The following LAMB4 variants were observed in gnomAD, a reference collection of about 807,000 sequenced individuals.
LAMB4 encodes laminin subunit beta-4.
Under a neutral mutation model 199.2 loss-of-function variants are expected in LAMB4, and 196 were observed. The observed-to-expected ratio is 0.98, with a 90% CI of 0.88 to 1.11. LAMB4 has a LOEUF of 1.11. Ranked by LOEUF, LAMB4 falls within the 50% of genes least tolerant of loss-of-function variation. The pLI, the probability that LAMB4 is intolerant of heterozygous loss-of-function variation, is 0.00. For missense variants in LAMB4, 2,080 were observed against 2,171.2 expected (o/e 0.96, Z 0.83); for synonymous variants, 744 against 770.6 (o/e 0.97, Z 0.57).
chr7:108,021,820 C>A (rs556810367), downstream of LAMB4, among the ~76,000 whole-genome samples: 1 of 152,100 alleles, frequency 6.6e-6, no homozygotes, highest in African/African-American at 2.4e-5. Context: ...TTTTTTGATA[C>A]CTGGCATCAA....
At chr7:108,026,415 G>A (rs112322779) in intron 33 of LAMB4, 30,632 of 153,938 alleles carry the variant, frequency 0.2, 7,157 homozygotes, top group African/African-American at 0.58. Context: ...GCAGCCCAGG[G>A]TAACAGACCA....
At position 108,034,268 on chromosome 7, in the gene LAMB4, T is replaced by G. The variant is rs753533083; in HGVS notation, c.4758A>C (p.Ala1586=). The change falls in exon 31 of 34, where the codon GCA becomes GCC. Residue 1586 remains alanine, a synonymous_variant. Coordinates refer to ENST00000388781, the MANE Select transcript of LAMB4 (RefSeq NM_007356.3). Reference sequence around the variant, plus strand: ...CAGTCAGCTGTGTAATGGTAGAGTTTGCCCGTCCTTGAGTGATTTGAGCTT... The same window carrying G: ...CAGTCAGCTGTGTAATGGTAGAGTTGGCCCGTCCTTGAGTGATTTGAGCTT... The part of the protein sequence containing the change: ...LQQAQITQGR[A]NSTITQLTAN... 4.2e-5 allele frequency: 67 copies of G among 1,613,872 alleles called. No individual in the cohort carries two copies. The highest frequency in any genetic ancestry group is 1.6e-4 in the Middle Eastern group (1 of 6,084).
At chr7:108,099,578 G>A (rs1324259965) in intron 10 of LAMB4, among the ~76,000 whole-genome samples, 1 of 152,160 alleles carries the variant, frequency 6.6e-6, no homozygotes, top group African/African-American at 2.4e-5. Flanking sequence ...TTGGGCATTA[G>A]ATGACCACCA....
chr7:108,086,388 C>T (rs93619), intron 14 of LAMB4, among the ~76,000 whole-genome samples: 64,685 of 151,936 alleles, frequency 0.43, 14,174 homozygotes, highest in East Asian at 0.57. Context: ...TGAATCCCTG[C>T]TGTCATCTGC....
intron 31 of LAMB4, among the ~76,000 whole-genome samples, chr7:108,033,414 CTTTG>C (rs756155494): frequency 3.7e-4 from 56 of 152,088 alleles, no homozygotes; most frequent in Non-Finnish European, 6.6e-4. Context: ...TTGCTTTCTG[CTTTG>C]TTTGTTTGTT....
chr7:108,012,295 G>A, the LAMB4 span, among the ~76,000 whole-genome samples: 1 of 152,124 alleles, frequency 6.6e-6, no homozygotes, highest in South Asian at 2.1e-4. Context: ...AGTTCTAGAA[G>A]GAGGCATAGC....
At chr7:108,036,962 GA>G (rs779701382) in intron 30 of LAMB4, among the ~76,000 whole-genome samples, 116 of 151,442 alleles carry the variant, frequency 7.7e-4, no homozygotes, top group Admixed American at 1.6e-3. Context: ...CTGAGGAAGT[GA>G]AATATCAGAC....
intron 24 of LAMB4, among the ~76,000 whole-genome samples, 187 bp from the exon 25 acceptor site, chr7:108,056,194 T>C (rs752534891): frequency 1.3e-5 from 2 of 152,250 alleles, no homozygotes; most frequent in Admixed American, 1.3e-4. Context: ...GCTCTCTATA[T>C]TCCACTAAGA....
At chr7:108,081,061 G>T (rs1298594700) in intron 14 of LAMB4, among the ~76,000 whole-genome samples, 2 of 152,170 alleles carry the variant, frequency 1.3e-5, no homozygotes, top group African/African-American at 4.8e-5. Context: ...GGCAGAGGTT[G>T]CAGTGAGTCG....
intron 14 of LAMB4, among the ~76,000 whole-genome samples, chr7:108,086,595 A>G (rs71566751): frequency 1.3e-5 from 2 of 152,204 alleles, no homozygotes; most frequent in Admixed American, 1.3e-4. Context: ...GCTGTATGGA[A>G]CCCCAGAGAT....
At chr7:108,059,480 A>G (rs2036090727) in intron 23 of LAMB4, among the ~76,000 whole-genome samples, 1 of 152,024 alleles carries the variant, frequency 6.6e-6, no homozygotes, top group Non-Finnish European at 1.5e-5. Flanking sequence ...AGCCTTCATC[A>G]CGGAATAGCA....
rs2036735492 is a variant in LAMB4, at chr7:108,077,188, C to T, written c.2004-124G>A. 7 of 927,978 alleles carry T rather than the reference C, an allele frequency of 7.5e-6. No homozygotes were observed. The South Asian group carries it at 1.1e-4, about 15-fold the overall frequency. 57.5% of individuals were successfully genotyped at this position (927,978 alleles called of 1,614,324 possible). ...AGTGACCTCCACTGTGGGGCTGAGG[C>T]CAGTGTAGGTCTAGACCAGCACAGG... is the stretch of plus-strand genomic sequence containing the variant. On this transcript the variant is annotated intron_variant, in intron 16 of 33. Transcript: ENST00000388781.
At chr7:108,017,270 A>G in the LAMB4 span, among the ~76,000 whole-genome samples, 1 of 152,200 alleles carries the variant, frequency 6.6e-6, no homozygotes, top group Non-Finnish European at 1.5e-5. Context: ...GATTATATGT[A>G]GGTTCAAGTT....
At chr7:108,067,907 G>T in intron 19 of LAMB4, 109 bp downstream of exon 19, 1 of 1,314,550 alleles carries the variant, frequency 7.6e-7, no homozygotes, top group Non-Finnish European at 1.1e-6. Flanking sequence ...GAATAATGTA[G>T]TCAGGTTTCC....
rs755960857 is a variant in LAMB4 at position 108,078,284 on chromosome 7, C to T, written c.1920G>A (p.Val640=). The T allele has an allele frequency of 3.1e-6, 5 of 1,609,520 alleles. No individual in the cohort carries two copies. The South Asian group carries it at 4.5e-5, about 14-fold the overall frequency. ...SAADWTVQIV[V]NPPGGSEHCI... Reference sequence around the variant, plus strand: ...AGTGCTCACTCCCTCCAGGGGGGTTCACCACAATCTGGACAGTCCAGTCAG... The same window carrying T: ...AGTGCTCACTCCCTCCAGGGGGGTTTACCACAATCTGGACAGTCCAGTCAG... The change falls in exon 16 of 34, where the codon GTG becomes GTA. Residue 640 remains valine (V), a synonymous_variant. Coordinates refer to ENST00000388781, the MANE Select transcript of LAMB4 (RefSeq NM_007356.3).
chr7:108,093,687 T>C (rs946183176), intron 12 of LAMB4, among the ~76,000 whole-genome samples: 7 of 152,014 alleles, frequency 4.6e-5, no homozygotes, highest in Non-Finnish European at 7.4e-5. Context: ...TATAAAATGC[T>C]AAAAAAAATT....
chr7:108,084,376 C>T (rs1441584262), intron 14 of LAMB4, among the ~76,000 whole-genome samples: 2 of 151,862 alleles, frequency 1.3e-5, no homozygotes, highest in African/African-American at 4.8e-5. Context: ...CTAGGAGCAC[C>T]CCCAACCCCC....
chr7:108,039,985 C>T (rs1191168425), intron 29 of LAMB4, among the ~76,000 whole-genome samples: 1 of 152,166 alleles, frequency 6.6e-6, no homozygotes, highest in African/African-American at 2.4e-5. Context: ...TCCCTGTTTG[C>T]AGATGGCATG....
chr7:108,124,710 A>G (rs2038718671), intron 1 of LAMB4, among the ~76,000 whole-genome samples: 1 of 152,110 alleles, frequency 6.6e-6, no homozygotes, highest in South Asian at 2.1e-4. Flanking sequence ...AGTAGGAAAT[A>G]TAAAACCTCT....
Sources: allele counts gnomAD v4.1 joint callset (sites outside exome capture counted in the v4.1 genomes callset), GRCh38; gene constraint gnomAD v4.1.1; transcripts MANE v1.5; gene names NCBI Gene and HGNC (gene_info 2026-07-23, HGNC 2026-07-21).